FRAS1: variants seen among roughly 807,000 people sequenced by gnomAD.
FRAS1 encodes Fraser extracellular matrix complex subunit 1.
Under a neutral mutation model 435.2 loss-of-function variants are expected in FRAS1, and 290 were observed. That is an observed-to-expected ratio of 0.67 (90% CI 0.61 to 0.73). The LOEUF (loss-of-function observed/expected upper bound fraction) is 0.73, where lower values mean the gene tolerates loss of function less well. Ranked by LOEUF, FRAS1 falls within the 30% of genes least tolerant of loss-of-function variation. The pLI is 0.00. For synonymous variants in FRAS1, 1,800 were observed against 1,851.0 expected (o/e 0.97, Z 0.71); for missense variants, 4,860 against 5,001.5 (o/e 0.97, Z 0.85).
rs1729380515 is a variant in FRAS1, at chr4:78,318,843, C to T, written c.1994C>T (p.Pro665Leu). 1 of 1,612,162 alleles carries T rather than the reference C, an allele frequency of 6.2e-7. No homozygotes were observed. The change falls in exon 18 of 74, where the codon CCC (proline) becomes CTC (leucine). Residue 665 changes from proline to leucine, a missense_variant. Transcript: ENST00000512123. Reference protein sequence around the residue: ...CHSSCLACMGPAPSHCTGCKK... With the variant: ...CHSSCLACMGLAPSHCTGCKK... ...TCCTCCTGCCTGGCTTGTATGGGTC[C>T]CGCACCCTCTCACTGTACTGGGTGT... is the stretch of plus-strand genomic sequence containing the variant.
At chr4:78,381,027 G>A (rs1731992835) in intron 27 of FRAS1, among the ~76,000 whole-genome samples, 1 of 152,132 alleles carries the variant, frequency 6.6e-6, no homozygotes, top group Admixed American at 6.5e-5. Flanking sequence ...GGAAACTGAG[G>A]CCTTGAGAGT....
chr4:78,533,593 T>C (rs972860423), intron 70 of FRAS1, among the ~76,000 whole-genome samples: 1 of 152,256 alleles, frequency 6.6e-6, no homozygotes, highest in African/African-American at 2.4e-5. Flanking sequence ...ATGCGTTGCA[T>C]GATAGATGTA....
Position 78,355,515 on chromosome 4 carries a change from C to T in FRAS1, c.2423-7998C>T, listed in dbSNP as rs71611018. Among the ~76,000 whole-genome samples, 778 of 152,210 alleles carry T rather than the reference C, an allele frequency of 5.1e-3. 6 individuals carry two copies. Among genetic ancestry groups the T allele is most frequent in the Non-Finnish European group, 9.4e-3 (638 of 68,002 alleles). ...ATAGGCACTGTTTTTAAGGAATTAA[C>T]GGATACACGCTCCCTATTTAAACAT... On this transcript the variant is annotated intron_variant, in intron 20 of 73. Coordinates refer to ENST00000512123, the MANE Select transcript of FRAS1 (RefSeq NM_025074.7).
chr4:78,112,831 CA>C (rs1314420702), intron 2 of FRAS1, among the ~76,000 whole-genome samples: 2 of 151,082 alleles, frequency 1.3e-5, no homozygotes, highest in South Asian at 2.1e-4. Context: ...TTTATTTATT[CA>C]TTTTTTTATT....
Position 78,446,820 on chromosome 4 carries a change from C to A in FRAS1, c.5950C>A (p.Gln1984Lys). ...GATAAGCAATTCTTCTTTGAGCCTG[C>A]AAGACCTGGACACCCCAGATAATGA... ...VVISNSSLSL[Q>K]DLDTPDNELI... Residue 1984 changes from glutamine to lysine, a missense_variant, in exon 43 of 74, where the codon CAA (glutamine) becomes AAA (lysine). Coordinates refer to ENST00000512123, the MANE Select transcript of FRAS1 (RefSeq NM_025074.7). 6.2e-7 allele frequency: 1 copy of A among 1,612,816 alleles called. No individual in the cohort carries two copies. The highest frequency in any genetic ancestry group is 8.5e-7 in the Non-Finnish European group (1 of 1,179,478).
intron 2 of FRAS1, among the ~76,000 whole-genome samples, chr4:78,098,524 C>G (rs2109913937): frequency 6.6e-6 from 1 of 152,272 alleles, no homozygotes; most frequent in East Asian, 1.9e-4. Context: ...ATCCATCCAT[C>G]TTGGCCTCCC....
At chr4:78,196,777 T>C (rs1245405665) in intron 2 of FRAS1, among the ~76,000 whole-genome samples, 1 of 152,244 alleles carries the variant, frequency 6.6e-6, no homozygotes, top group Non-Finnish European at 1.5e-5. Flanking sequence ...TTTGGAATAA[T>C]GTCCTCTTTA....
intron 1 of FRAS1, among the ~76,000 whole-genome samples, chr4:78,059,028 G>C (rs1390444029): frequency 3.9e-5 from 6 of 152,202 alleles, no homozygotes; most frequent in African/African-American, 1.4e-4. Context: ...CTGGCTCTCG[G>C]CTTCCCCTCC....
At chr4:78,101,703 G>C (rs1742140983) in intron 2 of FRAS1, among the ~76,000 whole-genome samples, 1 of 152,074 alleles carries the variant, frequency 6.6e-6, no homozygotes, top group Non-Finnish European at 1.5e-5. Context: ...ATATTTTAGA[G>C]TGCTTTTAGC....
At chr4:78,184,017 A>G (rs1373431208) in intron 2 of FRAS1, among the ~76,000 whole-genome samples, 3 of 152,206 alleles carry the variant, frequency 2.0e-5, no homozygotes, top group South Asian at 2.1e-4. Context: ...GGAGCTTGTC[A>G]GAAATGTACA....
intron 69 of FRAS1, among the ~76,000 whole-genome samples, chr4:78,524,982 C>T (rs1265132739): frequency 6.6e-6 from 1 of 152,052 alleles, no homozygotes; most frequent in Admixed American, 6.6e-5. Context: ...AAACAGGGTT[C>T]CTGGTAAAGT....
At chr4:78,231,057 C>T (rs561660402) in intron 2 of FRAS1, among the ~76,000 whole-genome samples, 3 of 152,160 alleles carry the variant, frequency 2.0e-5, no homozygotes, top group South Asian at 4.2e-4. Flanking sequence ...CGGGTTCAAA[C>T]GATTCTCCTG....
chr4:78,505,217 T>C (rs1720797567), intron 61 of FRAS1, among the ~76,000 whole-genome samples: 1 of 152,166 alleles, frequency 6.6e-6, no homozygotes, highest in South Asian at 2.1e-4. Context: ...GGGTTGCTCT[T>C]CTTGAGGAGT....
At chr4:78,126,237 A>G (rs1048939018) in intron 2 of FRAS1, among the ~76,000 whole-genome samples, 1 of 151,884 alleles carries the variant, frequency 6.6e-6, no homozygotes, top group African/African-American at 2.4e-5. Context: ...CTGGTCTGCC[A>G]GTTGCAAAGA....
intron 72 of FRAS1, among the ~76,000 whole-genome samples, chr4:78,538,744 G>A (rs1721959779): frequency 6.6e-6 from 1 of 152,102 alleles, no homozygotes; most frequent in Non-Finnish European, 1.5e-5. Context: ...CACGAGGTCA[G>A]GAGATTGAGA....
intron 58 of FRAS1, among the ~76,000 whole-genome samples, chr4:78,487,739 C>G (rs1720215674): frequency 6.6e-6 from 1 of 152,116 alleles, no homozygotes; most frequent in South Asian, 2.1e-4. Flanking sequence ...ACATTGAGTA[C>G]CATGCATTTA....
chr4:78,198,212 A>AGT (rs1382095265), intron 2 of FRAS1, among the ~76,000 whole-genome samples: 1 of 152,212 alleles, frequency 6.6e-6, no homozygotes, highest in Non-Finnish European at 1.5e-5. Context: ...ATGGCTTACA[A>AGT]GTGTAGGAGG....
intron 2 of FRAS1, among the ~76,000 whole-genome samples, chr4:78,105,879 C>T (rs1742393389): frequency 1.4e-5 from 2 of 139,192 alleles, no homozygotes. Context: ...GGGCGCAGGC[C>T]AGTGTGTGCG....
At chr4:78,258,011 G>A (rs996050769) in intron 6 of FRAS1, among the ~76,000 whole-genome samples, 2 of 151,994 alleles carry the variant, frequency 1.3e-5, no homozygotes, top group Non-Finnish European at 2.9e-5. Context: ...TAATTAATCC[G>A]AGTAGTTTGA....
Sources: allele counts gnomAD v4.1 joint callset (sites outside exome capture counted in the v4.1 genomes callset), GRCh38; gene constraint gnomAD v4.1.1; transcripts MANE v1.5; gene names NCBI Gene and HGNC (gene_info 2026-07-23, HGNC 2026-07-21).